Variants in USP31 observed in about 807,000 individuals in gnomAD.
The protein encoded by USP31 is ubiquitin carboxyl-terminal hydrolase 31.
Under a neutral mutation model 119.4 loss-of-function variants are expected in USP31, and 44 were observed. That is an observed-to-expected ratio of 0.37 (90% CI 0.29 to 0.47). The LOEUF (loss-of-function observed/expected upper bound fraction) is 0.47, where lower values mean the gene tolerates loss of function less well. Ranked by LOEUF, USP31 falls within the 20% of genes least tolerant of loss-of-function variation. USP31 has a pLI of 0.99. For synonymous variants in USP31, 749 were observed against 705.6 expected (o/e 1.06, Z -0.97); for missense variants, 1,643 against 1,730.2 (o/e 0.95, Z 0.89).
chr16:23,100,527 C>T (rs1901803074), intron 6 of USP31, among the ~76,000 whole-genome samples: 1 of 151,932 alleles, frequency 6.6e-6, no homozygotes, highest in East Asian at 1.9e-4. Flanking sequence ...AATCCCAGCA[C>T]TTTGGGAGGC....
intron 1 of USP31, among the ~76,000 whole-genome samples, chr16:23,117,419 G>C (rs1313396267): frequency 1.3e-5 from 2 of 152,168 alleles, no homozygotes; most frequent in Non-Finnish European, 2.9e-5. Context: ...CAAAAGAAAA[G>C]GCTGTAATAA....
Position 23,090,729 on chromosome 16 carries a change from G to C in USP31, c.1310C>G (p.Thr437Arg), listed in dbSNP as rs763190169. The change falls in exon 7 of 16, where the codon ACA becomes AGA. Residue 437 changes from threonine to arginine, a missense_variant. By Grantham distance (71) the Thr-to-Arg change is moderately conservative. Transcript: ENST00000219689. ...DYHRLSSPTQ[T>R]AAKQGKMDSP... ...ATCCATTTTCCCCTGCTTTGCTGCT[G>C]TTTGTGTAGGAGAAGACAGTCTATG... The C allele has an allele frequency of 1.2e-6, 2 of 1,614,040 alleles. No individual in the cohort carries two copies. The highest frequency in any genetic ancestry group is 1.7e-5 in the Admixed American group (1 of 60,022).
intron 6 of USP31, among the ~76,000 whole-genome samples, chr16:23,097,473 T>C (rs1901662144): frequency 6.6e-6 from 1 of 152,220 alleles, no homozygotes; most frequent in African/African-American, 2.4e-5. Flanking sequence ...TAACTCATTT[T>C]ATGAGGCCAG....
chr16:23,126,804 A>G (rs1902873895), intron 1 of USP31, among the ~76,000 whole-genome samples: 2 of 152,220 alleles, frequency 1.3e-5, no homozygotes, highest in South Asian at 4.1e-4. Context: ...TACGTTAGCG[A>G]CACGAAGAAA....
chr16:23,128,544 G>T (rs1902935631), intron 1 of USP31, among the ~76,000 whole-genome samples: 1 of 152,116 alleles, frequency 6.6e-6, no homozygotes, highest in Admixed American at 6.6e-5. Flanking sequence ...GAAAAATCAA[G>T]CTTTTATCTA....
intron 1 of USP31, among the ~76,000 whole-genome samples, chr16:23,123,557 T>C (rs1428703621): frequency 1.3e-5 from 2 of 151,560 alleles, no homozygotes; most frequent in Admixed American, 6.6e-5. Flanking sequence ...AATAAATAAA[T>C]AAAATAAAAA....
At chr16:23,100,037 G>A (rs2141865027) in intron 6 of USP31, among the ~76,000 whole-genome samples, 1 of 152,288 alleles carries the variant, frequency 6.6e-6, no homozygotes, top group African/African-American at 2.4e-5. Context: ...TCAAGTGTTG[G>A]CGAGGACGTA....
chr16:23,080,288 T>C (rs1273470588), intron 12 of USP31, 117 bp from the exon 13 acceptor site: 1 of 836,354 alleles, frequency 1.2e-6, no homozygotes, highest in Non-Finnish European at 1.8e-6. Flanking sequence ...CTATCTGATG[T>C]TTCCCAAGAC....
intron 1 of USP31, among the ~76,000 whole-genome samples, chr16:23,145,066 G>A (rs1161459514): frequency 6.6e-6 from 1 of 152,074 alleles, no homozygotes; most frequent in Non-Finnish European, 1.5e-5. Flanking sequence ...GGTGCAGCCA[G>A]CCACTAAATG....
chr16:23,091,733 A>C (rs548425459), intron 6 of USP31, among the ~76,000 whole-genome samples: 1 of 152,350 alleles, frequency 6.6e-6, no homozygotes, highest in Admixed American at 6.5e-5. Flanking sequence ...AATTCCAGAT[A>C]GAGTTTAAAA....
intron 1 of USP31, among the ~76,000 whole-genome samples, chr16:23,119,858 A>G (rs1902610858): frequency 6.6e-6 from 1 of 152,196 alleles, no homozygotes; most frequent in African/African-American, 2.4e-5. Flanking sequence ...ATCTGGCTTT[A>G]GGGAACTCCA....
At chr16:23,074,018 T>TA (rs939196473) in intron 13 of USP31, 138 bp from the exon 14 acceptor site, 284 of 1,158,266 alleles carry the variant, frequency 2.5e-4, no homozygotes, top group Non-Finnish European at 3.0e-4. Flanking sequence ...AGAAAGAGAT[T>TA]AAAAAAAAAT....
chr16:23,085,760 A>G (rs2141846503), intron 9 of USP31, 98 bp from the exon 10 acceptor site: 1 of 1,093,494 alleles, frequency 9.1e-7, no homozygotes. Flanking sequence ...TCATAATTTC[A>G]GGTGATTAAT....
chr16:23,124,409 C>T (rs946605161), intron 1 of USP31, among the ~76,000 whole-genome samples: 5 of 152,126 alleles, frequency 3.3e-5, no homozygotes, highest in Non-Finnish European at 7.4e-5. Flanking sequence ...AGACTCATTC[C>T]CCAAAACGCC....
chr16:23,106,120 G>T, intron 4 of USP31, 93 bp downstream of exon 4: 1 of 1,333,440 alleles, frequency 7.5e-7, no homozygotes, highest in Non-Finnish European at 1.1e-6. Flanking sequence ...CCCATTACCT[G>T]TCTAAATAAG....
chr16:23,068,320 A>C lies in USP31; in HGVS notation c.3785T>G (p.Val1262Gly). The stretch of plus-strand genomic sequence containing the variant: ...CTCGTCGTCCCCGGTGTTCTTACAG[A>C]CAGACTTAACAGAGCTCCCACCAGC... ...KKAGGSSVKS[V>G]CKNTGDDEAE... The change falls in exon 16 of 16, where the codon GTC becomes GGC. Residue 1262 changes from valine (V) to glycine (G), a missense_variant. By Grantham distance (109) the Val-to-Gly change is moderately radical (BLOSUM62 -3). This residue lies in a region of USP31 where 699 missense variants were observed against 650.9 expected (regional missense o/e 1.07). Coordinates refer to ENST00000219689, the MANE Select transcript of USP31 (RefSeq NM_020718.4). 1.2e-6 allele frequency: 2 copies of C among 1,613,904 alleles called. No homozygotes were observed. The highest frequency in any genetic ancestry group is 1.7e-6 in the Non-Finnish European group (2 of 1,179,816).
At chr16:23,121,565 CAAAG>C (rs1902670393) in intron 1 of USP31, among the ~76,000 whole-genome samples, 1 of 152,112 alleles carries the variant, frequency 6.6e-6, no homozygotes, top group African/African-American at 2.4e-5. Context: ...AGACAGCAAA[CAAAG>C]AGAAGAGTGT....
chr16:23,096,327 G>A (rs527487518), intron 6 of USP31, among the ~76,000 whole-genome samples: 52 of 151,730 alleles, frequency 3.4e-4, no homozygotes, highest in African/African-American at 1.2e-3. Flanking sequence ...CAATACAGGA[G>A]CACCCAGATT....
Position 23,063,281 on chromosome 16 carries a change from T to C in USP31, c.*4765A>G, listed in dbSNP as rs773201437. On this transcript the variant is annotated 3_prime_UTR_variant, in exon 16 of 16. Transcript: ENST00000219689. ...AAGATGGATCTAGAACCGAATCCAC[T>C]GCACAACACTCCCAGAAATTCCATG... The C allele has an allele frequency of 6.6e-6, 1 of 152,262 alleles. No homozygotes were observed. Among genetic ancestry groups the C allele is most frequent in the African/African-American group, 2.4e-5 (1 of 41,464 alleles). 9.4% of individuals were successfully genotyped at this position (152,262 alleles called of 1,614,324 possible).
Sources: allele counts gnomAD v4.1 joint callset (sites outside exome capture counted in the v4.1 genomes callset), GRCh38; gene constraint gnomAD v4.1.1; regional missense constraint gnomAD v4.1.1; transcripts MANE v1.5; gene names NCBI Gene and HGNC (gene_info 2026-07-23, HGNC 2026-07-21).